The following CHRNB2 variants were observed in gnomAD, a reference collection of about 807,000 sequenced individuals.
CHRNB2 encodes neuronal acetylcholine receptor subunit beta-2.
A neutral mutation model predicts 42.7 loss-of-function variants in CHRNB2; 33 were observed. That is an observed-to-expected ratio of 0.77 (90% CI 0.59 to 1.03). CHRNB2 has a LOEUF of 1.03. CHRNB2 is among the 50% of genes least tolerant of loss of function. The probability of loss-of-function intolerance (pLI) is 0.00; values close to 1 mark genes in which losing one functional copy is unlikely to be tolerated. For missense variants in CHRNB2, 603 were observed against 700.9 expected, an observed-to-expected ratio of 0.86 and a Z score of 1.58; for synonymous variants, 325 against 292.9, an observed-to-expected ratio of 1.11 and a Z score of -1.12.
rs1423965369 is a variant in CHRNB2, at chr1:154,579,235, G to GAT, written c.*3303_*3304insAT. On this transcript the variant is annotated 3_prime_UTR_variant, in exon 6 of 6. Coordinates refer to ENST00000368476, the MANE Select transcript of CHRNB2 (RefSeq NM_000748.3). ...ATGGTTTGGGGACCTGGGGCTGTTT[G>GAT]TATCCCAGTATTAGCTCCTGTTACT... 3 of 152,310 alleles carry GAT rather than the reference G, an allele frequency of 2.0e-5. No individual in the cohort carries two copies. The highest frequency in any genetic ancestry group is 4.8e-5 in the African/African-American group (2 of 41,548). The allele number at this position is 152,310 out of a possible 1,614,324, so 9.4% of individuals were successfully genotyped here.
In CHRNB2 at chr1:154,579,304, T is replaced by C. The variant is rs1402325077; in HGVS notation, c.*3372T>C. ...AGGTCCTCAGCATGCGTTGTCTTTA[T>C]TCCGCGTGACAATCCTATGGGAAGG... On this transcript the variant is annotated 3_prime_UTR_variant, in exon 6 of 6. Coordinates refer to ENST00000368476, the MANE Select transcript of CHRNB2 (RefSeq NM_000748.3). 5 of 152,220 alleles carry C rather than the reference T, an allele frequency of 3.3e-5. No individual in the cohort carries two copies. The highest frequency in any genetic ancestry group is 1.2e-4 in the African/African-American group (5 of 41,426). 9.4% of individuals were successfully genotyped at this position (152,220 alleles called of 1,614,324 possible).
intron 1 of CHRNB2, among the ~76,000 whole-genome samples, chr1:154,568,500 A>C (rs1272364100): frequency 6.6e-6 from 1 of 151,702 alleles, no homozygotes; most frequent in Non-Finnish European, 1.5e-5. Context: ...CTGGACCAGC[A>C]CCCCTCCCCG....
chr1:154,570,906 A>G (rs1696150911), intron 4 of CHRNB2, among the ~76,000 whole-genome samples: 1 of 152,098 alleles, frequency 6.6e-6, no homozygotes, highest in Non-Finnish European at 1.5e-5. Context: ...GACAAGTAGC[A>G]GATGTGTCCC....
intron 5 of CHRNB2, among the ~76,000 whole-genome samples, chr1:154,574,336 A>G (rs151022922): frequency 2.6e-5 from 4 of 152,290 alleles, no homozygotes; most frequent in African/African-American, 9.6e-5. Context: ...TTCAACATTT[A>G]AATTTTCCCG....
rs200196583 is a variant in CHRNB2, at chr1:154,569,617, G to A, written c.210+10G>A. ...CCAGCTCATCAGTGTGGTGAGTAGA[G>A]GTCCCAGGCTCTCTGCCCAGCTACT... On this transcript the variant is annotated intron_variant, in intron 2 of 5. Transcript: ENST00000368476. 83 of 1,613,952 alleles carry A rather than the reference G, an allele frequency of 5.1e-5. No individual in the cohort carries two copies. Among genetic ancestry groups the A allele is most frequent in the Non-Finnish European group, 6.6e-5 (78 of 1,180,024 alleles).
chr1:154,574,080 C>T (rs1696226110), intron 5 of CHRNB2, among the ~76,000 whole-genome samples: 1 of 152,196 alleles, frequency 6.6e-6, no homozygotes. Context: ...AAGCCAAGCT[C>T]TTTCGTGGCC....
chr1:154,568,141 C>T (rs1223453981), intron 1 of CHRNB2, 33 bp downstream of exon 1: 18 of 1,578,986 alleles, frequency 1.1e-5, no homozygotes, highest in Non-Finnish European at 1.5e-5. Flanking sequence ...CCAGGTTCTC[C>T]TACCCCAGCC....
chr1:154,571,647 C>T lies in CHRNB2; in HGVS notation c.824C>T (p.Ala275Val), dbSNP rs201393088. 6.2e-6 allele frequency: 10 copies of T among 1,614,208 alleles called. No individual in the cohort carries two copies. Among genetic ancestry groups the T allele is most frequent in the South Asian group, 1.1e-5 (1 of 91,082 alleles). ...ACGTTGTGCATCTCAGTGCTGCTGG[C>T]GCTCACGGTCTTCCTGCTGCTCATC... ...KMTLCISVLL[A>V]LTVFLLLISK... The change falls in exon 5 of 6, where the codon GCG becomes GTG. Residue 275 changes from alanine to valine, a missense_variant. Ala to Val is a moderately conservative substitution (Grantham distance 64, BLOSUM62 0). Coordinates refer to ENST00000368476, the MANE Select transcript of CHRNB2 (RefSeq NM_000748.3). The surrounding 1 kb of genome is among the most constrained non-coding windows in gnomAD (Gnocchi z 6.8).
At chr1:154,570,131 C>T (rs1696134910) in intron 3 of CHRNB2, 127 bp from the exon 4 acceptor site, 2 of 744,256 alleles carry the variant, frequency 2.7e-6, no homozygotes, top group East Asian at 2.7e-5. Flanking sequence ...GCAGAGAAGT[C>T]ACTGTGGGGA....
chr1:154,573,747 TTTTA>T (rs567813070), intron 5 of CHRNB2, among the ~76,000 whole-genome samples: 120 of 152,268 alleles, frequency 7.9e-4, no homozygotes, highest in Admixed American at 2.6e-3. Context: ...CTGGCTTATC[TTTTA>T]TTTATTTATT....
rs1571022589 is a variant in CHRNB2 at position 154,571,828 on chromosome 1, G to A, written c.1005G>A (p.Val335=). ...CCACGCACACCATGGCGCCCTGGGT[G>A]AAGGTCGTCTTCCTGGAGAAGCTGC... The part of the protein sequence containing the change: ...SPTTHTMAPW[V]KVVFLEKLPA... Residue 335 remains valine, a synonymous_variant, in exon 5 of 6, where the codon GTG becomes GTA. Coordinates refer to ENST00000368476, the MANE Select transcript of CHRNB2 (RefSeq NM_000748.3). The surrounding 1 kb of genome is among the most constrained non-coding windows in gnomAD (Gnocchi z 6.8). The A allele has an allele frequency of 1.9e-6, 3 of 1,613,404 alleles. No individual in the cohort carries two copies. In the East Asian group the frequency reaches 6.7e-5, roughly 36 times the overall value.
In CHRNB2 at chr1:154,571,449, C is replaced by G; in HGVS notation, c.626C>G (p.Pro209Arg). The G allele has an allele frequency of 6.2e-7, 1 of 1,614,116 alleles. No individual in the cohort carries two copies. Among genetic ancestry groups the G allele is most frequent in the South Asian group, 1.1e-5 (1 of 91,074 alleles). The change falls in exon 5 of 6, where the codon CCG (proline) becomes CGG (arginine). Residue 209 changes from proline to arginine, a missense_variant. Coordinates refer to ENST00000368476, the MANE Select transcript of CHRNB2 (RefSeq NM_000748.3). This position sits in a 1 kb window ranked among gnomAD's most constrained non-coding sequence, Gnocchi z 6.8. The part of the protein sequence containing the change: ...PSGEWDIVAL[P>R]GRRNENPDDS... Reference sequence around the variant, plus strand: ...GGTGAGTGGGACATCGTGGCGCTGCCGGGCCGGCGCAACGAGAACCCCGAC... The same window carrying G: ...GGTGAGTGGGACATCGTGGCGCTGCGGGGCCGGCGCAACGAGAACCCCGAC...
At chr1:154,569,416 G>A (rs748120838) in intron 1 of CHRNB2, 46 bp from the exon 2 acceptor site, 6 of 1,610,572 alleles carry the variant, frequency 3.7e-6, no homozygotes, top group African/African-American at 2.7e-5. Context: ...ATGCTGGGTG[G>A]GCTCTCCTTG....
At chr1:154,570,169 A>G (rs927306075) in intron 3 of CHRNB2, 89 bp from the exon 4 acceptor site, 18 of 872,794 alleles carry the variant, frequency 2.1e-5, no homozygotes, top group Non-Finnish European at 2.1e-5. Context: ...AGGTCCCTCA[A>G]GCCATATGGG....
rs763511654 is a variant in CHRNB2, at chr1:154,571,422, G to A, written c.599G>A (p.Ser200Asn). Residue 200 changes from serine to asparagine, a missense_variant, in exon 5 of 6, where the codon AGT becomes AAT. Coordinates refer to ENST00000368476, the MANE Select transcript of CHRNB2 (RefSeq NM_000748.3). This position sits in a 1 kb window ranked among gnomAD's most constrained non-coding sequence, Gnocchi z 6.8. Reference sequence around the variant, plus strand: ...GCCAGCCTGGACGACTTCACACCTAGTGGTGAGTGGGACATCGTGGCGCTG... The same window carrying A: ...GCCAGCCTGGACGACTTCACACCTAATGGTGAGTGGGACATCGTGGCGCTG... ...EVASLDDFTP[S>N]GEWDIVALPG... 5 of 1,614,204 alleles carry A rather than the reference G, an allele frequency of 3.1e-6. No homozygotes were observed. The highest frequency in any genetic ancestry group is 4.2e-6 in the Non-Finnish European group (5 of 1,180,036).
chr1:154,576,031 C>T lies in CHRNB2; in HGVS notation c.*99C>T. ...GAGTGAGCTACCAGGAAGAGGGGCG[C>T]TGCCCCCACAGATCCATCCTTTTGC... On this transcript the variant is annotated 3_prime_UTR_variant, in exon 6 of 6. Coordinates refer to ENST00000368476, the MANE Select transcript of CHRNB2 (RefSeq NM_000748.3). 1 of 1,467,640 alleles carries T rather than the reference C, an allele frequency of 6.8e-7. No homozygotes were observed. 90.9% of individuals were successfully genotyped at this position (1,467,640 alleles called of 1,614,324 possible). A position where few individuals can be genotyped will look rare whatever the true frequency, so the allele number is the denominator to read the frequency against.
rs977303468 is a variant in CHRNB2 at position 154,579,014 on chromosome 1, G to A, written c.*3082G>A. ...GCTTTTGACAGGTGGCGTTGCAGTG[G>A]GAGGAAGGCAGCTTCCTGGCGGGGA... On this transcript the variant is annotated 3_prime_UTR_variant, in exon 6 of 6. Transcript: ENST00000368476. 2.0e-5 allele frequency: 3 copies of A among 152,262 alleles called. No homozygotes were observed. Among genetic ancestry groups the A allele is most frequent in the African/African-American group, 7.2e-5 (3 of 41,456 alleles). The allele number at this position is 152,262 out of a possible 1,614,324, so 9.4% of individuals were successfully genotyped here.
chr1:154,571,751 T>C lies in CHRNB2; in HGVS notation c.928T>C (p.Phe310Leu), dbSNP rs201366539. The C allele has an allele frequency of 6.2e-7, 1 of 1,614,218 alleles. No homozygotes were observed. The highest frequency in any genetic ancestry group is 8.5e-7 in the Non-Finnish European group (1 of 1,180,028). Residue 310 changes from phenylalanine to leucine, a missense_variant, in exon 5 of 6, where the codon TTC becomes CTC. Around this residue, in one of 2 missense-constraint regions of CHRNB2, gnomAD observed 333 missense variants for 452.6 expected, o/e 0.74. Coordinates refer to ENST00000368476, the MANE Select transcript of CHRNB2 (RefSeq NM_000748.3). The surrounding 1 kb of genome is among the most constrained non-coding windows in gnomAD (Gnocchi z 6.8). ...YLMFTMVLVT[F>L]SIVTSVCVLN... Reference sequence around the variant, plus strand: ...CATGTTCACCATGGTGCTTGTCACCTTCTCCATCGTCACCAGCGTGTGCGT... The same window carrying C: ...CATGTTCACCATGGTGCTTGTCACCCTCTCCATCGTCACCAGCGTGTGCGT...
At chr1:154,572,270 G>C (rs1266265815) in intron 5 of CHRNB2, 109 bp downstream of exon 5, 1 of 1,509,664 alleles carries the variant, frequency 6.6e-7, no homozygotes, top group Non-Finnish European at 8.9e-7. Context: ...TAGGAGTGTA[G>C]GGGAGGAAAA....
Sources: allele counts gnomAD v4.1 joint callset (sites outside exome capture counted in the v4.1 genomes callset), GRCh38; gene constraint gnomAD v4.1.1; regional missense constraint gnomAD v4.1.1; non-coding constraint Gnocchi (gnomAD v3.1); transcripts MANE v1.5; gene names NCBI Gene and HGNC (gene_info 2026-07-23, HGNC 2026-07-21).